Variants in DOCK5 observed in about 807,000 individuals in gnomAD.
DOCK5 encodes the protein dedicator of cytokinesis protein 5.
DOCK5 carries 142 observed loss-of-function variants against 251.8 expected under a neutral mutation model. The observed-to-expected ratio is 0.56, with a 90% confidence interval of 0.49 to 0.65. The LOEUF (loss-of-function observed/expected upper bound fraction) is 0.65. Among genes scored for constraint, DOCK5 ranks in the 30% least tolerant of loss-of-function variants. DOCK5 has a pLI of 0.00. For missense variants in DOCK5, 2,111 were observed against 2,312.3 expected (o/e 0.91, Z 1.79); for synonymous variants, 842 against 835.5 (o/e 1.01, Z -0.13).
At chr8:25,204,373 T>C (rs940142427) in intron 1 of DOCK5, among the ~76,000 whole-genome samples, 21 of 152,324 alleles carry the variant, frequency 1.4e-4, no homozygotes, top group Non-Finnish European at 2.9e-4. Context: ...TTTCAGTCTC[T>C]GTTACAGGAG....
In DOCK5 at chr8:25,412,226, C is replaced by T. The variant is rs1032580182; in HGVS notation, c.*928C>T. 1 of 151,958 alleles carries T rather than the reference C, an allele frequency of 6.6e-6. No homozygotes were observed. Among genetic ancestry groups the T allele is most frequent in the African/African-American group, 2.4e-5 (1 of 41,370 alleles). The allele number at this position is 151,958 out of a possible 1,614,324, so 9.4% of individuals were successfully genotyped here. On this transcript the variant is annotated 3_prime_UTR_variant, in exon 52 of 52. Coordinates refer to ENST00000276440, the MANE Select transcript of DOCK5 (RefSeq NM_024940.8). ...GCCGCATCTGCTACCTGATTTTATC[C>T]TGGAGAATACAGTGCAATATTTCTC...
intron 2 of DOCK5, among the ~76,000 whole-genome samples, chr8:25,263,341 T>C (rs1208285804): frequency 6.6e-6 from 1 of 151,758 alleles, no homozygotes; most frequent in Non-Finnish European, 1.5e-5. Flanking sequence ...GAGCTAGGGG[T>C]AGTATGCATT....
Position 25,413,887 on chromosome 8 carries a change from C to A in DOCK5, c.*2589C>A, listed in dbSNP as rs939000541. On this transcript the variant is annotated 3_prime_UTR_variant, in exon 52 of 52. Transcript: ENST00000276440. The stretch of plus-strand genomic sequence containing the variant: ...GTTGGGTAGGAAGAGTCACATTTGA[C>A]AGAATTCATAAATAATGTGTCCTGA... 1 of 152,110 alleles carries A rather than the reference C, an allele frequency of 6.6e-6. No individual in the cohort carries two copies. The highest frequency in any genetic ancestry group is 6.5e-5 in the Admixed American group (1 of 15,272). The allele number at this position is 152,110 out of a possible 1,614,324, so 9.4% of individuals were successfully genotyped here.
intron 5 of DOCK5, among the ~76,000 whole-genome samples, 175 bp from the exon 6 acceptor site, chr8:25,291,849 G>A (rs2117151110): frequency 7.0e-6 from 1 of 142,910 alleles, no homozygotes; most frequent in Admixed American, 7.2e-5. Context: ...CTCCAGCCTG[G>A]GTGACAGAGC....
chr8:25,332,835 C>A lies in DOCK5; in HGVS notation c.2091+143C>A, dbSNP rs549255614. 20 of 623,546 alleles carry A rather than the reference C, an allele frequency of 3.2e-5. No individual in the cohort carries two copies. In the African/African-American group the frequency reaches 3.6e-4, roughly 11 times the overall value. 38.6% of individuals were successfully genotyped at this position (623,546 alleles called of 1,614,324 possible). On this transcript the variant is annotated intron_variant, in intron 20 of 51. Transcript: ENST00000276440. ...CTGGTTATTGTTTTAGGCTGAATTC[C>A]TAGAAGTACTATTAGAAACAAATGA...
chr8:25,332,127 A>G, intron 18 of DOCK5, 124 bp from the exon 19 acceptor site: 1 of 586,138 alleles, frequency 1.7e-6, no homozygotes. Flanking sequence ...AAAAGAATAT[A>G]TAAGGCATCT....
intron 1 of DOCK5, among the ~76,000 whole-genome samples, chr8:25,238,841 GAGT>G (rs1802866880): frequency 6.6e-6 from 1 of 152,206 alleles, no homozygotes; most frequent in South Asian, 2.1e-4. Context: ...ATTATACCTT[GAGT>G]ACTTTCTTTG....
intron 18 of DOCK5, among the ~76,000 whole-genome samples, chr8:25,327,793 G>T (rs1340283084): frequency 1.3e-5 from 2 of 152,024 alleles, no homozygotes; most frequent in East Asian, 3.9e-4. Flanking sequence ...TAGACAAGAG[G>T]GATAAGTTCA....
intron 48 of DOCK5, among the ~76,000 whole-genome samples, chr8:25,404,213 C>T (rs1801486251): frequency 6.6e-6 from 1 of 152,126 alleles, no homozygotes; most frequent in African/African-American, 2.4e-5. Context: ...ATTATGTGTT[C>T]TTCCCCACAC....
At chr8:25,246,541 T>TA (rs1803115992) in intron 2 of DOCK5, among the ~76,000 whole-genome samples, 1 of 152,184 alleles carries the variant, frequency 6.6e-6, no homozygotes, top group African/African-American at 2.4e-5. Flanking sequence ...GGCCTCCCAG[T>TA]GTTGGGATTA....
At chr8:25,380,799 G>C (rs17789006) in intron 39 of DOCK5, among the ~76,000 whole-genome samples, 7,743 of 152,136 alleles carry the variant, frequency 0.051, 220 homozygotes, top group South Asian at 0.11. Context: ...CCCAGTGTTA[G>C]GCAGCCACCA....
At chr8:25,305,993 G>A (rs1340739402) in intron 11 of DOCK5, among the ~76,000 whole-genome samples, 1 of 152,030 alleles carries the variant, frequency 6.6e-6, no homozygotes, top group Admixed American at 6.6e-5. Flanking sequence ...TCAATGTTAA[G>A]TCCACACCTT....
chr8:25,289,858 A>T (rs1231314632), intron 5 of DOCK5, among the ~76,000 whole-genome samples: 1 of 152,120 alleles, frequency 6.6e-6, no homozygotes, highest in African/African-American at 2.4e-5. Flanking sequence ...AAAAGAAAGA[A>T]GGAAATAGAT....
chr8:25,354,053 CA>C (rs869141192), intron 27 of DOCK5, among the ~76,000 whole-genome samples: 11 of 23,882 alleles, frequency 4.6e-4, no homozygotes, highest in African/African-American at 1.7e-3. Context: ...AAAAAACAAA[CA>C]AAAAAAAAAA....
intron 25 of DOCK5, among the ~76,000 whole-genome samples, chr8:25,343,240 C>T (rs1001736209): frequency 6.6e-6 from 1 of 151,894 alleles, no homozygotes; most frequent in African/African-American, 2.4e-5. Flanking sequence ...AACTCCTGAC[C>T]TCAAGTGATC....
At chr8:25,334,906 A>G (rs1025237172) in intron 21 of DOCK5, among the ~76,000 whole-genome samples, 1 of 152,216 alleles carries the variant, frequency 6.6e-6, no homozygotes, top group East Asian at 1.9e-4. Flanking sequence ...TATTGCTTAC[A>G]GGATATGAGA....
intron 7 of DOCK5, among the ~76,000 whole-genome samples, 152 bp downstream of exon 7, chr8:25,296,800 G>GTATA (rs755981625): frequency 2.0e-5 from 3 of 149,444 alleles, no homozygotes; most frequent in African/African-American, 7.3e-5. Flanking sequence ...GATGAGGCAG[G>GTATA]TATATATATA....
rs147202407 is a variant in DOCK5 at position 25,376,288 on chromosome 8, C to CT, written c.3817-1010dup. The CT allele has an allele frequency of 4.1e-6, 4 of 985,064 alleles. No individual in the cohort carries two copies. The African/African-American group carries it at 7.0e-5, about 17-fold the overall frequency. 61.0% of individuals were successfully genotyped at this position (985,064 alleles called of 1,614,324 possible). A position where few individuals can be genotyped will look rare whatever the true frequency, so the allele number is the denominator to read the frequency against. ...TGTAAGATATGAGGTATGAATGCAG[C>CT]TTTTTTTCCCCCCAGATTGCTATTC... On this transcript the variant is annotated intron_variant, in intron 37 of 51. Transcript: ENST00000276440.
At chr8:25,218,478 G>T (rs1802305575) in intron 1 of DOCK5, among the ~76,000 whole-genome samples, 1 of 152,172 alleles carries the variant, frequency 6.6e-6, no homozygotes, top group African/African-American at 2.4e-5. Context: ...TCTGGACCTT[G>T]CCATGGTCCA....
Sources: allele counts gnomAD v4.1 joint callset (sites outside exome capture counted in the v4.1 genomes callset), GRCh38; gene constraint gnomAD v4.1.1; transcripts MANE v1.5; gene names NCBI Gene and HGNC (gene_info 2026-07-23, HGNC 2026-07-21).